MDGA2: variants seen among roughly 807,000 people sequenced by gnomAD.
MDGA2 encodes MAM domain-containing glycosylphosphatidylinositol anchor protein 2.
MDGA2 carries 40 observed loss-of-function variants against 117.8 expected under a neutral mutation model. The ratio of observed to expected loss-of-function variants is 0.34; its 90% confidence interval spans 0.26 to 0.44. The LOEUF (loss-of-function observed/expected upper bound fraction) is 0.44, where lower values mean the gene tolerates loss of function less well. Ranked by LOEUF, MDGA2 falls within the 20% of genes least tolerant of loss-of-function variation. The pLI is 1.00. For synonymous variants in MDGA2, 452 were observed against 439.0 expected (o/e 1.03, Z -0.37); for missense variants, 1,123 against 1,250.6 (o/e 0.90, Z 1.54).
At chr14:47,293,025 A>G (rs1594777531) in intron 2 of MDGA2, among the ~76,000 whole-genome samples, 1 of 152,260 alleles carries the variant, frequency 6.6e-6, no homozygotes, top group East Asian at 1.9e-4. Context: ...CAGTCAGACC[A>G]TTGAGTTTAG....
In MDGA2 at chr14:47,252,096, T is replaced by A. The variant is rs573076173; in HGVS notation, c.421-33901A>T. Among the ~76,000 whole-genome samples the A allele has an allele frequency of 2.0e-5, 3 of 152,226 alleles. No homozygotes were observed. The East Asian group carries it at 5.8e-4, about 29-fold the overall frequency. ...GGACAACTTCACTTTCAATCCAGATTTGTAAGATGGTAAAATAGTGGTCAC... is the reference window on the plus strand; with the variant it reads ...GGACAACTTCACTTTCAATCCAGATATGTAAGATGGTAAAATAGTGGTCAC... On this transcript the variant is annotated intron_variant, in intron 2 of 16. Coordinates refer to ENST00000399232, the MANE Select transcript of MDGA2 (RefSeq NM_001113498.3).
chr14:46,875,711 T>C (rs1316811259), intron 12 of MDGA2, among the ~76,000 whole-genome samples: 1 of 151,574 alleles, frequency 6.6e-6, no homozygotes, highest in East Asian at 1.9e-4. Flanking sequence ...ATTCCATTAG[T>C]TGCTACTCTG....
chr14:47,131,711 T>A lies in MDGA2; in HGVS notation c.925+3A>T. ...CATGTAACATACAGAGATAATTCCA[T>A]ACCTGTTTTATTGGACAGTCTAAAC... On this transcript the variant is annotated splice_donor_region_variant and intron_variant, in intron 5 of 16. Coordinates refer to ENST00000399232, the MANE Select transcript of MDGA2 (RefSeq NM_001113498.3). 1.3e-6 allele frequency: 2 copies of A among 1,509,708 alleles called. No individual in the cohort carries two copies. Among genetic ancestry groups the A allele is most frequent in the Non-Finnish European group, 1.8e-6 (2 of 1,111,878 alleles). The allele number at this position is 1,509,708 out of a possible 1,614,324, so 93.5% of individuals were successfully genotyped here.
chr14:47,038,363 T>A lies in MDGA2; in HGVS notation c.1526-3059A>T, dbSNP rs375601801. Among the ~76,000 whole-genome samples the A allele has an allele frequency of 1.3e-4, 20 of 152,314 alleles. No homozygotes were observed. The East Asian group carries it at 3.5e-3, about 26-fold the overall frequency. On this transcript the variant is annotated intron_variant, in intron 7 of 16. Coordinates refer to ENST00000399232, the MANE Select transcript of MDGA2 (RefSeq NM_001113498.3). ...AGATAGTATTTATTTCCTAACTTAA[T>A]AAAATGGATATTTAAACAACTTATT...
chr14:47,613,646 T>C (rs929428046), intron 1 of MDGA2, among the ~76,000 whole-genome samples: 2 of 152,174 alleles, frequency 1.3e-5, no homozygotes, highest in African/African-American at 2.4e-5. Context: ...ATTTAATATG[T>C]TATCTGCACA....
intron 5 of MDGA2, among the ~76,000 whole-genome samples, chr14:47,117,508 C>T (rs1881395014): frequency 6.6e-6 from 1 of 152,048 alleles, no homozygotes; most frequent in African/African-American, 2.4e-5. Context: ...CCTAAATGTG[C>T]ATCAACTGAT....
chr14:46,912,795 C>T (rs1196233349), intron 10 of MDGA2, among the ~76,000 whole-genome samples: 1 of 152,170 alleles, frequency 6.6e-6, no homozygotes, highest in Non-Finnish European at 1.5e-5. Flanking sequence ...GTCAAGGGTC[C>T]ATCCCTGACC....
At chr14:47,365,560 G>A (rs752477903) in intron 1 of MDGA2, among the ~76,000 whole-genome samples, 2 of 152,206 alleles carry the variant, frequency 1.3e-5, no homozygotes, top group African/African-American at 2.4e-5. Context: ...AACATTGCAC[G>A]ACATTTCTCA....
chr14:46,929,078 A>C lies in MDGA2; in HGVS notation c.2090-8918T>G, dbSNP rs1010646679. Among the ~76,000 whole-genome samples, 6 of 152,238 alleles carry C rather than the reference A, an allele frequency of 3.9e-5. No individual in the cohort carries two copies. The East Asian group carries it at 9.7e-4, about 25-fold the overall frequency. On this transcript the variant is annotated intron_variant, in intron 9 of 16. Transcript: ENST00000399232. The stretch of plus-strand genomic sequence containing the variant: ...TGATTGCTAAACTCTGTTCTAAATT[A>C]TTTCAGGATGTTACAGTTTGCAGTG...
At chr14:47,204,213 A>C (rs1340484592) in intron 3 of MDGA2, among the ~76,000 whole-genome samples, 1 of 152,054 alleles carries the variant, frequency 6.6e-6, no homozygotes, top group East Asian at 1.9e-4. Context: ...TTAGAACAAC[A>C]CTACATGTTT....
At chr14:47,516,993 T>G (rs945619918) in intron 1 of MDGA2, among the ~76,000 whole-genome samples, 105 of 152,096 alleles carry the variant, frequency 6.9e-4, no homozygotes, top group African/African-American at 2.4e-3. Context: ...TATAGATACA[T>G]TCATTAGAGA....
At chr14:47,030,900 A>T (rs1264516525) in intron 8 of MDGA2, among the ~76,000 whole-genome samples, 1 of 152,176 alleles carries the variant, frequency 6.6e-6, no homozygotes, top group Non-Finnish European at 1.5e-5. Flanking sequence ...AGTCATAAAG[A>T]AAAAGCCTTT....
intron 1 of MDGA2, among the ~76,000 whole-genome samples, chr14:47,482,053 A>C (rs754921698): frequency 2.0e-5 from 3 of 152,020 alleles, no homozygotes; most frequent in Non-Finnish European, 4.4e-5. Flanking sequence ...AGCAGTCTGA[A>C]GTTTGAAGCT....
At position 47,505,582 on chromosome 14, in the gene MDGA2, G is replaced by A. The variant is rs79219756; in HGVS notation, c.280+168935C>T. On this transcript the variant is annotated intron_variant, in intron 1 of 16. Coordinates refer to ENST00000399232, the MANE Select transcript of MDGA2 (RefSeq NM_001113498.3). Reference sequence around the variant, plus strand: ...AACCAATTAATGTATAATTGATCAAGTTTTTAATAATCCATTCTAGTAAAA... The same window carrying A: ...AACCAATTAATGTATAATTGATCAAATTTTTAATAATCCATTCTAGTAAAA... Among the ~76,000 whole-genome samples, 688 of 152,218 alleles carry A rather than the reference G, an allele frequency of 4.5e-3. 4 individuals are homozygous for A. The highest frequency in any genetic ancestry group is 0.015 in the African/African-American group (642 of 41,554).
intron 9 of MDGA2, among the ~76,000 whole-genome samples, chr14:46,929,201 T>C (rs1161270825): frequency 1.3e-5 from 2 of 152,132 alleles, no homozygotes; most frequent in Non-Finnish European, 2.9e-5. Flanking sequence ...AATTGTTATT[T>C]TAAACAAATA....
intron 2 of MDGA2, among the ~76,000 whole-genome samples, chr14:47,233,842 A>C (rs1036043078): frequency 6.6e-6 from 1 of 151,962 alleles, no homozygotes; most frequent in African/African-American, 2.4e-5. Context: ...GACTGGGGAG[A>C]GAGAACTCAA....
intron 8 of MDGA2, among the ~76,000 whole-genome samples, chr14:47,033,689 T>C (rs532211522): frequency 6.6e-6 from 1 of 152,262 alleles, no homozygotes; most frequent in South Asian, 2.1e-4. Context: ...AAAAAACTCA[T>C]AATCGATTAG....
intron 1 of MDGA2, among the ~76,000 whole-genome samples, chr14:47,631,643 C>T (rs1233797704): frequency 1.3e-5 from 2 of 152,124 alleles, no homozygotes; most frequent in Non-Finnish European, 2.9e-5. Context: ...CCCAATATCT[C>T]TCCTATCAGT....
At chr14:47,174,111 A>G (rs1304718872) in intron 3 of MDGA2, among the ~76,000 whole-genome samples, 1 of 152,214 alleles carries the variant, frequency 6.6e-6, no homozygotes, top group East Asian at 1.9e-4. Flanking sequence ...TCCTAAATAT[A>G]TATGCACCCA....
Sources: gnomAD v4.1 joint callset for allele counts (sites outside exome capture counted in the v4.1 genomes callset) on GRCh38, gnomAD v4.1.1 for gene constraint, MANE v1.5 for transcripts, NCBI Gene and HGNC (gene_info 2026-07-23, HGNC 2026-07-21) for gene names.